SORCS2: variants seen among roughly 807,000 people sequenced by gnomAD.
SORCS2 encodes VPS10 domain-containing receptor SorCS2.
SORCS2 carries 100 observed loss-of-function variants against 141.6 expected under a neutral mutation model. That is an observed-to-expected ratio of 0.71 (90% CI 0.60 to 0.83). SORCS2 has a LOEUF of 0.83. Ranked by LOEUF, SORCS2 falls within the 40% of genes least tolerant of loss-of-function variation. The pLI, the probability that SORCS2 is intolerant of heterozygous loss-of-function variation, is 0.00. For synonymous variants in SORCS2, 789 were observed against 676.9 expected, an observed-to-expected ratio of 1.17 and a Z score of -2.57; for missense variants, 1,646 against 1,560.2, an observed-to-expected ratio of 1.05 and a Z score of -0.93.
intron 4 of SORCS2, among the ~76,000 whole-genome samples, chr4:7,652,799 C>T (rs1039104790): frequency 5.9e-5 from 9 of 152,082 alleles, no homozygotes; most frequent in South Asian, 4.1e-4. Flanking sequence ...ACCCCCTGAG[C>T]GCCTCATCTT....
intron 2 of SORCS2, among the ~76,000 whole-genome samples, chr4:7,417,590 T>A (rs1034968842): frequency 6.6e-6 from 1 of 151,972 alleles, no homozygotes; most frequent in Non-Finnish European, 1.5e-5. Flanking sequence ...TTAAAACGGG[T>A]CTGCTGAGAT....
At chr4:7,677,287 C>G (rs1197599991) in intron 9 of SORCS2, among the ~76,000 whole-genome samples, 1 of 152,250 alleles carries the variant, frequency 6.6e-6, no homozygotes, top group African/African-American at 2.4e-5. Context: ...CCATTTCCAT[C>G]TGGATCCCTG....
At chr4:7,535,334 C>G (rs1712028337) in intron 3 of SORCS2, among the ~76,000 whole-genome samples, 1 of 152,158 alleles carries the variant, frequency 6.6e-6, no homozygotes, top group South Asian at 2.1e-4. Context: ...GGTGCGGGGC[C>G]AGGAGTGCAG....
chr4:7,461,181 C>T (rs1258470959), intron 2 of SORCS2, among the ~76,000 whole-genome samples: 3 of 146,848 alleles, frequency 2.0e-5, no homozygotes, highest in East Asian at 1.9e-4. Flanking sequence ...AATTATTCAT[C>T]ATTTCCTGGT....
chr4:7,606,092 G>A (rs1718043704), intron 3 of SORCS2, among the ~76,000 whole-genome samples: 1 of 152,162 alleles, frequency 6.6e-6, no homozygotes, highest in South Asian at 2.1e-4. Context: ...TGAATTCCGA[G>A]CATTGAACAT....
intron 1 of SORCS2, among the ~76,000 whole-genome samples, chr4:7,390,144 C>T (rs779408445): frequency 1.4e-4 from 21 of 152,152 alleles, no homozygotes; most frequent in Non-Finnish European, 2.8e-4. Flanking sequence ...TGGACACTGA[C>T]CTTAAGTTCT....
intron 2 of SORCS2, among the ~76,000 whole-genome samples, chr4:7,505,419 C>A (rs1732218875): frequency 6.6e-6 from 1 of 152,190 alleles, no homozygotes; most frequent in South Asian, 2.1e-4. Context: ...ACACCTCAGT[C>A]CCCGCATCAG....
intron 6 of SORCS2, among the ~76,000 whole-genome samples, chr4:7,662,230 C>CCCCCCCCCCCCCCCCCCCCCCCA (rs1722223055): frequency 6.8e-6 from 1 of 147,666 alleles, no homozygotes; most frequent in Non-Finnish European, 1.5e-5. Flanking sequence ...ACCCTCCCCC[C>CCCCCCCCCCCCCCCCCCCCCCCA]CCTCCCCCAC....
chr4:7,489,192 T>C (rs1010620373), intron 2 of SORCS2, among the ~76,000 whole-genome samples: 2 of 152,216 alleles, frequency 1.3e-5, no homozygotes, highest in African/African-American at 4.8e-5. Flanking sequence ...TTTGGTTCCT[T>C]GACCTTCTGT....
chr4:7,408,959 C>A (rs1010011696), intron 2 of SORCS2, among the ~76,000 whole-genome samples: 1 of 149,688 alleles, frequency 6.7e-6, no homozygotes, highest in Non-Finnish European at 1.5e-5. Context: ...TGTTAAATTA[C>A]TCTGATAAAT....
chr4:7,553,013 C>G (rs1447892130), intron 3 of SORCS2, among the ~76,000 whole-genome samples: 1 of 152,134 alleles, frequency 6.6e-6, no homozygotes, highest in Non-Finnish European at 1.5e-5. Flanking sequence ...ATAAAAGTTT[C>G]AACCATAGAA....
At chr4:7,244,325 G>A (rs1243292876) in intron 1 of SORCS2, among the ~76,000 whole-genome samples, 2 of 152,240 alleles carry the variant, frequency 1.3e-5, no homozygotes, top group African/African-American at 4.8e-5. Flanking sequence ...TATCCCCAAA[G>A]TCATTCCGAA....
Position 7,737,910 on chromosome 4 carries a change from C to T in SORCS2, c.3415+738C>T, listed in dbSNP as rs541573832. Among the ~76,000 whole-genome samples, 3 of 152,332 alleles carry T rather than the reference C, an allele frequency of 2.0e-5. No homozygotes were observed. The South Asian group carries it at 6.2e-4, about 32-fold the overall frequency. The stretch of plus-strand genomic sequence containing the variant: ...AATTAATGCAGGCAGTCAGCTAACC[C>T]CTCACCTGGACCATCGACCGGGACA... On this transcript the variant is annotated intron_variant, in intron 26 of 26. Transcript: ENST00000507866.
chr4:7,385,037 T>A (rs576185931), intron 1 of SORCS2, among the ~76,000 whole-genome samples: 2 of 152,168 alleles, frequency 1.3e-5, no homozygotes, highest in Admixed American at 6.5e-5. Flanking sequence ...CATTTGTGGA[T>A]CCCAAGCTTG....
intron 3 of SORCS2, among the ~76,000 whole-genome samples, chr4:7,554,667 A>G (rs1713972805): frequency 6.6e-6 from 1 of 152,232 alleles, no homozygotes; most frequent in South Asian, 2.1e-4. Context: ...GATGCCTGTC[A>G]GAGATGCATA....
At chr4:7,550,896 G>A (rs1315212546) in intron 3 of SORCS2, among the ~76,000 whole-genome samples, 1 of 152,148 alleles carries the variant, frequency 6.6e-6, no homozygotes, top group East Asian at 1.9e-4. Flanking sequence ...TGCTGTCTTG[G>A]CCTTTTCTTC....
intron 1 of SORCS2, among the ~76,000 whole-genome samples, chr4:7,215,224 C>G (rs1295893220): frequency 6.6e-6 from 1 of 152,166 alleles, no homozygotes; most frequent in Non-Finnish European, 1.5e-5. Context: ...GCATTCCGAG[C>G]AGCAGGCCGG....
intron 1 of SORCS2, among the ~76,000 whole-genome samples, chr4:7,255,681 A>G (rs866827308): frequency 3.3e-5 from 5 of 152,326 alleles, no homozygotes; most frequent in South Asian, 2.1e-4. Flanking sequence ...TTCTGCTCAC[A>G]GCCATAACTG....
chr4:7,228,412 G>A (rs978652843), intron 1 of SORCS2, among the ~76,000 whole-genome samples: 5 of 152,190 alleles, frequency 3.3e-5, no homozygotes, highest in Non-Finnish European at 7.3e-5. Context: ...CCGGTGCTGT[G>A]GGGAGGCCTA....
Sources: gnomAD v4.1 joint callset for allele counts (sites outside exome capture counted in the v4.1 genomes callset) on GRCh38, gnomAD v4.1.1 for gene constraint, MANE v1.5 for transcripts, NCBI Gene and HGNC (gene_info 2026-07-23, HGNC 2026-07-21) for gene names.